MSH6: variants seen among roughly 807,000 people sequenced by gnomAD.
MSH6 encodes DNA mismatch repair protein Msh6.
A neutral mutation model predicts 119.1 loss-of-function variants in MSH6; 85 were observed. The observed-to-expected ratio is 0.71, with a 90% CI of 0.60 to 0.85. MSH6 has a LOEUF of 0.85. Among genes scored for constraint, MSH6 ranks in the 40% least tolerant of loss-of-function variants. The probability of loss-of-function intolerance (pLI) is 0.00; values close to 1 mark genes in which losing one functional copy is unlikely to be tolerated. For missense variants in MSH6, 2,163 were observed against 1,655.3 expected, an observed-to-expected ratio of 1.31 and a Z score of -5.32; for synonymous variants, 830 against 586.9, an observed-to-expected ratio of 1.41 and a Z score of -5.99.
chr2:47,803,358 A>G (rs1181374249), intron 4 of MSH6, 62 bp from the exon 5 acceptor site: 1 of 1,608,740 alleles, frequency 6.2e-7, no homozygotes, highest in Admixed American at 1.7e-5. Context: ...AGACCTATAA[A>G]ACACTTAGGC....
chr2:47,792,985 T>C (rs888083097), intron 2 of MSH6, among the ~76,000 whole-genome samples: 4 of 151,838 alleles, frequency 2.6e-5, no homozygotes, highest in East Asian at 1.9e-4. Context: ...AAGTAACTTA[T>C]TTTCTGATAC....
At position 47,806,247 on chromosome 2, in the gene MSH6, A is replaced by T. The variant is rs370947877; in HGVS notation, c.3690A>T (p.Ala1230=). Reference sequence around the variant, plus strand: ...TTGATGGGACGGCAATAGCAAATGCAGTTGTTAAAGAACTTGCTGAGACTA... The same window carrying T: ...TTGATGGGACGGCAATAGCAAATGCTGTTGTTAAAGAACTTGCTGAGACTA... The part of the protein sequence containing the change: ...ATFDGTAIAN[A]VVKELAETIK... The change falls in exon 8 of 10, where the codon GCA becomes GCT. Residue 1230 remains alanine, a synonymous_variant. Transcript: ENST00000234420. 6.2e-7 allele frequency: 1 copy of T among 1,614,100 alleles called. No homozygotes were observed. The highest frequency in any genetic ancestry group is 8.5e-7 in the Non-Finnish European group (1 of 1,179,948).
Position 47,806,655 on chromosome 2 carries a change from A to ACTAACTAACTATAATGG in MSH6, c.4001+5_4001+21dup, listed in dbSNP as rs1670157303. 1 of 1,601,546 alleles carries ACTAACTAACTATAATGG rather than the reference A, an allele frequency of 6.2e-7. No homozygotes were observed. On this transcript the variant is annotated splice_donor_region_variant and intron_variant, in intron 9 of 9. Coordinates refer to ENST00000234420, the MANE Select transcript of MSH6 (RefSeq NM_000179.3). ...ATCAGTCACTACGATTATTTCGGTA[A>ACTAACTAACTATAATGG]CTAACTAACTATAATGGAATTATAA...
chr2:47,793,185 G>C (rs1668846058), intron 2 of MSH6, among the ~76,000 whole-genome samples: 1 of 151,784 alleles, frequency 6.6e-6, no homozygotes, highest in South Asian at 2.1e-4. Flanking sequence ...GCTGGGCATG[G>C]TGGCACATGC....
downstream of MSH6, chr2:47,809,370 C>CTTCA: frequency 1.3e-6 from 1 of 779,140 alleles, no homozygotes; most frequent in Non-Finnish European, 2.0e-6. Flanking sequence ...TTTTTAAGAG[C>CTTCA]TTTAAATGAA....
At position 47,783,350 on chromosome 2, in the gene MSH6, G is replaced by A. The variant is rs756673077; in HGVS notation, c.117G>A (p.Gly39=). 10 of 1,608,626 alleles carry A rather than the reference G, an allele frequency of 6.2e-6. No homozygotes were observed. Among genetic ancestry groups the A allele is most frequent in the Non-Finnish European group, 7.6e-6 (9 of 1,177,972 alleles). ...REGGRAAAAP[G]ASPSPGGDAA... ...GCGGCCGTGCCGCCGCTGCCCCCGG[G>A]GCCTCTCCTTCCCCAGGCGGGGATG... Residue 39 remains glycine, a synonymous_variant, in exon 1 of 10, where the codon GGG becomes GGA. Transcript: ENST00000234420.
chr2:47,803,764 AAC>A (rs1669780708), intron 5 of MSH6, 79 bp downstream of exon 5: 8 of 1,560,606 alleles, frequency 5.1e-6, no homozygotes, highest in African/African-American at 2.7e-5. Context: ...TCATTTTCCA[AAC>A]ACAGTTACAT....
chr2:47,787,685 C>T (rs913320975), intron 1 of MSH6, among the ~76,000 whole-genome samples: 102 of 151,720 alleles, frequency 6.7e-4, no homozygotes, highest in Admixed American at 6.6e-3. Context: ...TGGCAGATCT[C>T]GGTTCACTGC....
At chr2:47,798,564 T>G in intron 3 of MSH6, 47 bp from the exon 4 acceptor site, 1 of 1,596,460 alleles carries the variant, frequency 6.3e-7, no homozygotes, top group Non-Finnish European at 8.5e-7. Flanking sequence ...ACATTATGGT[T>G]TTCCAAATTT....
chr2:47,798,330 A>C (rs1036881790), intron 3 of MSH6, among the ~76,000 whole-genome samples: 4 of 152,206 alleles, frequency 2.6e-5, no homozygotes, highest in African/African-American at 9.7e-5. Context: ...TAATACACCT[A>C]CCCCACCGAA....
At chr2:47,803,214 G>A (rs1408100050) in intron 4 of MSH6, among the ~76,000 whole-genome samples, 1 of 152,154 alleles carries the variant, frequency 6.6e-6, no homozygotes, top group African/African-American at 2.4e-5. Context: ...CACCGTGCCT[G>A]GCCTCTGCTC....
At chr2:47,802,214 C>T (rs1439463971) in intron 4 of MSH6, among the ~76,000 whole-genome samples, 1 of 152,072 alleles carries the variant, frequency 6.6e-6, no homozygotes, top group Non-Finnish European at 1.5e-5. Context: ...TTTTCAAAGC[C>T]CTGAGTTAGG....
At chr2:47,808,806 C>A, downstream of MSH6, 1 of 258,564 alleles carries the variant, frequency 3.9e-6, no homozygotes, top group Non-Finnish European at 7.3e-6. Flanking sequence ...CATTACACAA[C>A]ATGAGTTACA....
chr2:47,792,262 C>G (rs781567099), intron 2 of MSH6, among the ~76,000 whole-genome samples: 4 of 152,098 alleles, frequency 2.6e-5, no homozygotes, highest in Non-Finnish European at 4.4e-5. Flanking sequence ...AGTCTCCAGT[C>G]TAGTACGTTG....
chr2:47,796,141 T>C (rs150101320), intron 3 of MSH6, 78 bp downstream of exon 3: 3 of 1,417,264 alleles, frequency 2.1e-6, no homozygotes, highest in Non-Finnish European at 3.0e-6. Context: ...ATTAACAAGA[T>C]ACCTTGTTTT....
Position 47,805,669 on chromosome 2 carries a change from A to G in MSH6, c.3608A>G (p.His1203Arg), listed in dbSNP as rs1669964889. The stretch of plus-strand genomic sequence containing the variant: ...AGTGAAACTGCCAGCATACTCATGC[A>G]TGCAACAGCACATTCTCTGGTGCTT... ...ELSETASILMHATAHSLVLVD... is the reference protein window; with the variant it reads ...ELSETASILMRATAHSLVLVD... The change falls in exon 7 of 10, where the codon CAT becomes CGT. Residue 1203 changes from histidine to arginine, a missense_variant. By Grantham distance (29) the His-to-Arg change is conservative (BLOSUM62 0). Transcript: ENST00000234420. 1 of 1,613,752 alleles carries G rather than the reference A, an allele frequency of 6.2e-7. No homozygotes were observed. Among genetic ancestry groups the G allele is most frequent in the African/African-American group, 1.3e-5 (1 of 75,020 alleles).
intron 4 of MSH6, among the ~76,000 whole-genome samples, chr2:47,801,503 G>C (rs7600377): frequency 6.6e-6 from 1 of 150,502 alleles, no homozygotes; most frequent in African/African-American, 2.4e-5. Context: ...AAGTAGCTGA[G>C]ATTACAGATA....
chr2:47,783,907 G>T (rs1203035930), intron 1 of MSH6: 2 of 1,018,276 alleles, frequency 2.0e-6, no homozygotes, highest in Non-Finnish European at 2.4e-6. Context: ...GCGGGGCGGG[G>T]GGCGGGGTGG....
At chr2:47,788,918 TTTTG>T (rs1474415891) in intron 1 of MSH6, among the ~76,000 whole-genome samples, 955 of 56,602 alleles carry the variant, frequency 0.017, 99 homozygotes, top group East Asian at 0.028. Context: ...TTTTTTTTTT[TTTTG>T]TTTTTTTTTT....
Sources: gnomAD v4.1 joint callset for allele counts (sites outside exome capture counted in the v4.1 genomes callset) on GRCh38, gnomAD v4.1.1 for gene constraint, MANE v1.5 for transcripts, NCBI Gene and HGNC (gene_info 2026-07-23, HGNC 2026-07-21) for gene names.